The following CADPS variants were observed in gnomAD, a reference collection of about 807,000 sequenced individuals.
The protein encoded by CADPS is calcium-dependent secretion activator 1.
CADPS carries 57 observed loss-of-function variants against 167.3 expected under a neutral mutation model. That is an observed-to-expected ratio of 0.34 (90% CI 0.28 to 0.42). The LOEUF (loss-of-function observed/expected upper bound fraction) is 0.42. CADPS is among the 20% of genes least tolerant of loss of function. CADPS has a pLI of 1.00. For synonymous variants in CADPS, 676 were observed against 635.3 expected (o/e 1.06, Z -0.96); for missense variants, 1,414 against 1,738.1 (o/e 0.81, Z 3.32).
At chr3:62,436,139 T>C (rs1406612) in intron 28 of CADPS, among the ~76,000 whole-genome samples, 48,515 of 151,986 alleles carry the variant, frequency 0.32, 9,199 homozygotes, top group East Asian at 0.51. Flanking sequence ...ATAATGTGCC[T>C]TGCTGCGTTC....
chr3:62,739,015 C>T (rs529638480), intron 3 of CADPS, among the ~76,000 whole-genome samples: 73 of 152,234 alleles, frequency 4.8e-4, no homozygotes, highest in African/African-American at 1.5e-3. Context: ...CTGATTATAA[C>T]GACACCTTTT....
intron 3 of CADPS, among the ~76,000 whole-genome samples, chr3:62,723,619 T>A (rs2076206326): frequency 6.6e-6 from 1 of 152,154 alleles, no homozygotes; most frequent in South Asian, 2.1e-4. Context: ...GGGAAATATA[T>A]CCCTCTAAAA....
intron 7 of CADPS, among the ~76,000 whole-genome samples, chr3:62,592,260 A>T (rs916535704): frequency 6.6e-6 from 1 of 152,098 alleles, no homozygotes; most frequent in Non-Finnish European, 1.5e-5. Context: ...TTTCTCTCTT[A>T]TGTCATTGTG....
chr3:62,400,591 T>TC (rs1257966095), intron 29 of CADPS, among the ~76,000 whole-genome samples: 6 of 87,932 alleles, frequency 6.8e-5, no homozygotes, highest in African/African-American at 2.3e-4. Flanking sequence ...CATTCTTTCT[T>TC]TTTTTTTTTC....
At chr3:62,708,971 G>C (rs1483131942) in intron 3 of CADPS, among the ~76,000 whole-genome samples, 1 of 152,028 alleles carries the variant, frequency 6.6e-6, no homozygotes, top group Non-Finnish European at 1.5e-5. Flanking sequence ...AGGAGGCTCT[G>C]TGCAATGTGA....
At chr3:62,564,287 C>G (rs2079724055) in intron 9 of CADPS, among the ~76,000 whole-genome samples, 1 of 152,146 alleles carries the variant, frequency 6.6e-6, no homozygotes, top group African/African-American at 2.4e-5. Context: ...AGGCGTGAAC[C>G]ACCGTGCCTG....
chr3:62,756,524 C>T (rs890056626), intron 2 of CADPS, among the ~76,000 whole-genome samples: 1 of 152,176 alleles, frequency 6.6e-6, no homozygotes, highest in Non-Finnish European at 1.5e-5. Flanking sequence ...GTCAGGAATA[C>T]AACGGTGAGG....
intron 21 of CADPS, among the ~76,000 whole-genome samples, chr3:62,485,090 G>C (rs1576656664): frequency 6.6e-6 from 1 of 151,792 alleles, no homozygotes; most frequent in Non-Finnish European, 1.5e-5. Flanking sequence ...CAGATATATA[G>C]AATATCTGTT....
At chr3:62,585,436 G>C (rs1440605934) in intron 7 of CADPS, 112 bp from the exon 8 acceptor site, 368 of 1,086,736 alleles carry the variant, frequency 3.4e-4, no homozygotes, top group African/African-American at 1.6e-5. Flanking sequence ...CCACTGTGGA[G>C]CAGCCATACC....
At position 62,727,773 on chromosome 3, in the gene CADPS, C is replaced by T. The variant is rs2077016528; in HGVS notation, c.888+25668G>A. The stretch of plus-strand genomic sequence containing the variant: ...TCCATTCTGAGAGTTTGTGATTCAT[C>T]TGATGGGAATTGGATAAAGGAAATG... On this transcript the variant is annotated intron_variant, in intron 3 of 29. Coordinates refer to ENST00000383710, the MANE Select transcript of CADPS (RefSeq NM_003716.4). Among the ~76,000 whole-genome samples the T allele has an allele frequency of 1.3e-5, 2 of 151,898 alleles. 1 individual carries two copies. The highest frequency in any genetic ancestry group is 4.9e-5 in the African/African-American group (2 of 41,170).
chr3:62,411,870 T>A (rs2049024461), intron 28 of CADPS, among the ~76,000 whole-genome samples: 1 of 152,224 alleles, frequency 6.6e-6, no homozygotes, highest in Non-Finnish European at 1.5e-5. Flanking sequence ...ATCCTCCAAA[T>A]GCGTTCAAGA....
intron 13 of CADPS, among the ~76,000 whole-genome samples, chr3:62,518,774 A>T (rs1396105818): frequency 1.3e-5 from 2 of 151,926 alleles, no homozygotes; most frequent in South Asian, 4.2e-4. Context: ...TTATGCACAA[A>T]AATTCCTATG....
intron 7 of CADPS, among the ~76,000 whole-genome samples, chr3:62,586,575 G>C (rs978181035): frequency 6.6e-5 from 10 of 152,230 alleles, no homozygotes; most frequent in African/African-American, 2.4e-4. Flanking sequence ...CTCTTTCTGG[G>C]CCTGACCCTT....
At chr3:62,763,833 C>T (rs576752063) in intron 2 of CADPS, among the ~76,000 whole-genome samples, 1 of 152,294 alleles carries the variant, frequency 6.6e-6, no homozygotes, top group South Asian at 2.1e-4. Context: ...TCTTATGTTA[C>T]TCAAATGCTA....
chr3:62,432,287 TG>T (rs2054146866), intron 28 of CADPS, among the ~76,000 whole-genome samples: 1 of 152,136 alleles, frequency 6.6e-6, no homozygotes, highest in Admixed American at 6.6e-5. Context: ...TCTTTACAGA[TG>T]GGGAAATTGA....
intron 4 of CADPS, among the ~76,000 whole-genome samples, chr3:62,658,938 G>T (rs1234863906): frequency 6.6e-6 from 1 of 152,134 alleles, no homozygotes; most frequent in East Asian, 1.9e-4. Flanking sequence ...GGAGAGTCCT[G>T]ATCACTCTGC....
At chr3:62,483,607 T>C (rs1222538166) in intron 21 of CADPS, among the ~76,000 whole-genome samples, 1 of 152,146 alleles carries the variant, frequency 6.6e-6, no homozygotes, top group Admixed American at 6.5e-5. Flanking sequence ...GGAAAGCCAA[T>C]TATACATCTC....
chr3:62,648,652 A>G (rs978309518), intron 5 of CADPS, among the ~76,000 whole-genome samples: 2 of 122,772 alleles, frequency 1.6e-5, no homozygotes, highest in African/African-American at 5.9e-5. Flanking sequence ...CACCTGCACC[A>G]CTGCACTCTA....
At chr3:62,839,327 A>G (rs1289755233) in intron 1 of CADPS, among the ~76,000 whole-genome samples, 1 of 152,026 alleles carries the variant, frequency 6.6e-6, no homozygotes, top group East Asian at 1.9e-4. Flanking sequence ...AGTAGCTGGG[A>G]CTACAGATGC....
Sources: gnomAD v4.1 joint callset for allele counts (sites outside exome capture counted in the v4.1 genomes callset) on GRCh38, gnomAD v4.1.1 for gene constraint, MANE v1.5 for transcripts, NCBI Gene and HGNC (gene_info 2026-07-23, HGNC 2026-07-21) for gene names.